Variants in L3MBTL4 observed in about 807,000 individuals in gnomAD.
L3MBTL4 encodes lethal(3)malignant brain tumor-like protein 4.
In L3MBTL4, 70 loss-of-function variants were observed where a neutral mutation model predicts 84.5. The observed-to-expected ratio is 0.83, with a 90% CI of 0.68 to 1.01. L3MBTL4 has a LOEUF of 1.01. Ranked by LOEUF, L3MBTL4 falls within the 50% of genes least tolerant of loss-of-function variation. The probability of loss-of-function intolerance (pLI) is 0.00; values close to 1 mark genes in which losing one functional copy is unlikely to be tolerated. For missense variants in L3MBTL4, 715 were observed against 754.8 expected, an observed-to-expected ratio of 0.95 and a Z score of 0.62; for synonymous variants, 274 against 259.8, an observed-to-expected ratio of 1.05 and a Z score of -0.52.
chr18:6,051,822 C>T (rs1468883548), intron 16 of L3MBTL4, among the ~76,000 whole-genome samples: 1 of 151,682 alleles, frequency 6.6e-6, no homozygotes, highest in Admixed American at 6.5e-5. Context: ...GCCTATTTTT[C>T]AGCATGGCGT....
At chr18:6,240,028 C>T (rs562022384) in intron 8 of L3MBTL4, among the ~76,000 whole-genome samples, 156 bp from the exon 9 acceptor site, 1 of 152,290 alleles carries the variant, frequency 6.6e-6, no homozygotes, top group Non-Finnish European at 1.5e-5. Flanking sequence ...TAAAAATATC[C>T]GGCAACTGTC....
intron 14 of L3MBTL4, among the ~76,000 whole-genome samples, chr18:6,131,519 G>GA (rs1054631521): frequency 1.3e-5 from 2 of 150,990 alleles, no homozygotes; most frequent in African/African-American, 4.9e-5. Flanking sequence ...ATGACAAGAG[G>GA]AAAAAACCTT....
intron 4 of L3MBTL4, among the ~76,000 whole-genome samples, chr18:6,272,331 T>C (rs2048911253): frequency 1.3e-5 from 2 of 152,132 alleles, no homozygotes; most frequent in African/African-American, 2.4e-5. Flanking sequence ...CCTCACCTCC[T>C]TCATGAGGTA....
rs143964767 is a variant in L3MBTL4 at position 6,276,953 on chromosome 18, A to G, written c.128-12915T>C. 3.0e-3 allele frequency among the ~76,000 whole-genome samples: 453 copies of G among 152,320 alleles called. 5 individuals are homozygous for G. Among genetic ancestry groups the G allele is most frequent in the African/African-American group, 0.011 (437 of 41,564 alleles). On this transcript the variant is annotated intron_variant, in intron 4 of 18. Transcript: ENST00000317931. ...ATACATCCAATGAAAACATCCTTCA[A>G]AAATGAGAGTAAAATAACAAAATTT...
intron 16 of L3MBTL4, among the ~76,000 whole-genome samples, chr18:6,011,223 G>A (rs1413002657): frequency 6.6e-6 from 1 of 152,136 alleles, no homozygotes; most frequent in Non-Finnish European, 1.5e-5. Context: ...TTTAATGCTG[G>A]CTGAAAATAC....
chr18:5,958,112 GAAGAAGAAGAAGAAGAAA>G (rs1219692698), intron 18 of L3MBTL4, among the ~76,000 whole-genome samples: 1,850 of 88,308 alleles, frequency 0.021, 48 homozygotes, highest in Middle Eastern at 0.062. Flanking sequence ...AGAAGAAGAA[GAAGAAGAAGAAGAAGAAA>G]AAGAAGAAGA....
rs577720960 is a variant in L3MBTL4, at chr18:6,130,968, C to T, written c.1199+7226G>A. On this transcript the variant is annotated intron_variant, in intron 14 of 18. Transcript: ENST00000317931. ...TATTATTGCTAACCCCCTATTTTAA[C>T]AAAAACTAAAATAAACTTGTCTGAC... Among the ~76,000 whole-genome samples, 340 of 152,218 alleles carry T rather than the reference C, an allele frequency of 2.2e-3. 2 individuals are homozygous for T. The highest frequency in any genetic ancestry group is 6.8e-3 in the Middle Eastern group (2 of 294).
At chr18:6,357,085 G>A (rs923801776) in intron 1 of L3MBTL4, among the ~76,000 whole-genome samples, 25 of 152,106 alleles carry the variant, frequency 1.6e-4, no homozygotes, top group African/African-American at 5.1e-4. Flanking sequence ...TGTGCACCAC[G>A]TGACTTTATC....
intron 16 of L3MBTL4, among the ~76,000 whole-genome samples, chr18:6,008,074 T>C (rs1598420419): frequency 6.6e-6 from 1 of 152,338 alleles, no homozygotes; most frequent in East Asian, 1.9e-4. Context: ...AGAGGATCTG[T>C]AAGATGTGGT....
rs574658038 is a variant in L3MBTL4, at chr18:6,065,887, C to T, written c.1444+14994G>A. 1.2e-3 allele frequency among the ~76,000 whole-genome samples: 178 copies of T among 151,614 alleles called. 1 individual carries two copies. Among genetic ancestry groups the T allele is most frequent in the Middle Eastern group, 3.4e-3 (1 of 292 alleles). On this transcript the variant is annotated intron_variant, in intron 16 of 18. Transcript: ENST00000317931. ...TGCTCTGATCTTTAATATTTCTTTT[C>T]TTCTCTTGGGTTTGGGTTTAATTTG...
At chr18:6,066,999 ATTTG>A (rs2145937101) in intron 16 of L3MBTL4, among the ~76,000 whole-genome samples, 1 of 149,342 alleles carries the variant, frequency 6.7e-6, no homozygotes. Flanking sequence ...TTTGGTGCAT[ATTTG>A]TTTGTCAGCA....
chr18:6,188,756 T>C (rs1035739196), intron 12 of L3MBTL4, among the ~76,000 whole-genome samples: 1 of 152,218 alleles, frequency 6.6e-6, no homozygotes, highest in African/African-American at 2.4e-5. Context: ...CTGGCTGTCA[T>C]TGAGTGCTTA....
intron 16 of L3MBTL4, among the ~76,000 whole-genome samples, chr18:6,043,915 A>T (rs2145738191): frequency 6.6e-6 from 1 of 152,322 alleles, no homozygotes; most frequent in South Asian, 2.1e-4. Flanking sequence ...TCCCCTAAAA[A>T]ATCATGCACT....
chr18:6,139,495 G>GCACA (rs142047031), intron 13 of L3MBTL4, among the ~76,000 whole-genome samples: 9 of 149,790 alleles, frequency 6.0e-5, no homozygotes, highest in African/African-American at 2.2e-4. Flanking sequence ...AAACACACAT[G>GCACA]CACACACACA....
At chr18:6,291,840 T>C (rs977240234) in intron 4 of L3MBTL4, among the ~76,000 whole-genome samples, 23 of 152,050 alleles carry the variant, frequency 1.5e-4, no homozygotes. Context: ...AAATCAAAAA[T>C]AGACAAATGG....
At chr18:6,088,746 G>A (rs1187507423) in intron 15 of L3MBTL4, among the ~76,000 whole-genome samples, 1 of 152,178 alleles carries the variant, frequency 6.6e-6, no homozygotes, top group East Asian at 1.9e-4. Flanking sequence ...TGAGGGTGGA[G>A]ATCATAGAAG....
intron 14 of L3MBTL4, among the ~76,000 whole-genome samples, chr18:6,100,855 T>G (rs1444337404): frequency 6.6e-6 from 1 of 152,170 alleles, no homozygotes; most frequent in Non-Finnish European, 1.5e-5. Context: ...CTAGCAGAGC[T>G]GGGAGGGGAC....
intron 13 of L3MBTL4, among the ~76,000 whole-genome samples, chr18:6,170,810 C>A (rs571907323): frequency 2.0e-5 from 3 of 152,086 alleles, no homozygotes; most frequent in Admixed American, 2.0e-4. Flanking sequence ...GGATAAAAAG[C>A]GAGACCAGAG....
At chr18:6,071,744 GGAAA>G (rs200357437) in intron 16 of L3MBTL4, among the ~76,000 whole-genome samples, 19 of 40,054 alleles carry the variant, frequency 4.7e-4, no homozygotes, top group African/African-American at 9.3e-4. Context: ...AAAGAAGGAA[GGAAA>G]GAAAGAAAGA....
Sources: gnomAD v4.1 joint callset for allele counts (sites outside exome capture counted in the v4.1 genomes callset) on GRCh38, gnomAD v4.1.1 for gene constraint, MANE v1.5 for transcripts, NCBI Gene and HGNC (gene_info 2026-07-23, HGNC 2026-07-21) for gene names.